Variants in ADGRL3 observed in about 807,000 individuals in gnomAD.
ADGRL3 encodes the protein adhesion G protein-coupled receptor L3.
ADGRL3 carries 62 observed loss-of-function variants against 153.5 expected under a neutral mutation model. The observed-to-expected ratio is 0.40, with a 90% CI of 0.33 to 0.50. The LOEUF (loss-of-function observed/expected upper bound fraction) is 0.50, where lower values mean the gene tolerates loss of function less well. Among genes scored for constraint, ADGRL3 ranks in the 20% least tolerant of loss-of-function variants. The probability of loss-of-function intolerance (pLI) is 0.47; values close to 1 mark genes in which losing one functional copy is unlikely to be tolerated. For synonymous variants in ADGRL3, 710 were observed against 672.5 expected, an observed-to-expected ratio of 1.06 and a Z score of -0.86; for missense variants, 1,641 against 1,859.4, an observed-to-expected ratio of 0.88 and a Z score of 2.16.
chr4:61,506,691 G>A (rs1180689162), intron 3 of ADGRL3, among the ~76,000 whole-genome samples: 1 of 151,898 alleles, frequency 6.6e-6, no homozygotes, highest in African/African-American at 2.4e-5. Flanking sequence ...CCCTCACTTT[G>A]GTATCATTAG....
intron 25 of ADGRL3, among the ~76,000 whole-genome samples, chr4:62,050,949 A>G (rs976144371): frequency 2.6e-5 from 4 of 151,766 alleles, no homozygotes; most frequent in Admixed American, 1.3e-4. Context: ...TATGAATGCA[A>G]ATATAAGTAT....
intron 4 of ADGRL3, among the ~76,000 whole-genome samples, chr4:61,536,452 A>G (rs1445783155): frequency 6.6e-6 from 1 of 152,032 alleles, no homozygotes; most frequent in Non-Finnish European, 1.5e-5. Flanking sequence ...TGCGTTGATA[A>G]TCTATCTACT....
intron 2 of ADGRL3, among the ~76,000 whole-genome samples, chr4:61,392,737 A>C (rs1375162523): frequency 6.7e-6 from 1 of 148,572 alleles, no homozygotes; most frequent in East Asian, 2.0e-4. Context: ...GAGAGAAAAG[A>C]GTCTCATGAG....
intron 8 of ADGRL3, among the ~76,000 whole-genome samples, chr4:61,736,438 G>A (rs2151861538): frequency 6.6e-6 from 1 of 152,242 alleles, no homozygotes; most frequent in East Asian, 1.9e-4. Flanking sequence ...CATATCACTT[G>A]AGGTCAGGAG....
intron 25 of ADGRL3, among the ~76,000 whole-genome samples, chr4:62,062,892 A>G (rs1297393215): frequency 6.6e-6 from 1 of 152,116 alleles, no homozygotes; most frequent in East Asian, 1.9e-4. Flanking sequence ...CCAAATTAGT[A>G]TGCTTACCAT....
At chr4:61,800,645 G>T (rs1168459224) in intron 8 of ADGRL3, among the ~76,000 whole-genome samples, 1 of 152,188 alleles carries the variant, frequency 6.6e-6, no homozygotes, top group East Asian at 1.9e-4. Flanking sequence ...GAAAATAACG[G>T]AAGATACTTG....
intron 5 of ADGRL3, among the ~76,000 whole-genome samples, chr4:61,595,573 C>T (rs2098985616): frequency 6.6e-6 from 1 of 152,168 alleles, no homozygotes; most frequent in African/African-American, 2.4e-5. Flanking sequence ...CTCTTCTCTC[C>T]TTTAGCAGAA....
At chr4:61,914,878 A>G (rs910868525) in intron 13 of ADGRL3, among the ~76,000 whole-genome samples, 3 of 152,072 alleles carry the variant, frequency 2.0e-5, no homozygotes, top group African/African-American at 4.8e-5. Context: ...TCAAATGCCA[A>G]TGTGCCGTAT....
At chr4:61,622,183 CA>C (rs2092563670) in intron 5 of ADGRL3, among the ~76,000 whole-genome samples, 1 of 152,210 alleles carries the variant, frequency 6.6e-6, no homozygotes, top group South Asian at 2.1e-4. Flanking sequence ...ATTGACCTGA[CA>C]ACAGTGAGCC....
intron 1 of ADGRL3, among the ~76,000 whole-genome samples, chr4:61,314,319 C>G (rs1335816408): frequency 6.6e-6 from 1 of 151,666 alleles, no homozygotes; most frequent in Non-Finnish European, 1.5e-5. Context: ...AAGCAATTCT[C>G]CTGCCTCAAC....
chr4:61,677,687 T>G (rs1415003934), intron 6 of ADGRL3, among the ~76,000 whole-genome samples: 1 of 152,164 alleles, frequency 6.6e-6, no homozygotes, highest in Non-Finnish European at 1.5e-5. Flanking sequence ...TCATAATAGA[T>G]ATTCAGCTTA....
At chr4:61,230,586 A>G (rs935869669) in intron 1 of ADGRL3, among the ~76,000 whole-genome samples, 1 of 152,180 alleles carries the variant, frequency 6.6e-6, no homozygotes, top group South Asian at 2.1e-4. Flanking sequence ...AGGTGTCACT[A>G]TGTTGCCCAG....
chr4:61,654,137 T>C (rs1472423838), intron 5 of ADGRL3, among the ~76,000 whole-genome samples: 1 of 152,226 alleles, frequency 6.6e-6, no homozygotes, highest in Non-Finnish European at 1.5e-5. Context: ...ATTTTTTTGC[T>C]AAATTTTTAA....
intron 17 of ADGRL3, among the ~76,000 whole-genome samples, chr4:61,973,186 G>T (rs1297761912): frequency 1.3e-5 from 2 of 151,744 alleles, no homozygotes; most frequent in African/African-American, 4.8e-5. Context: ...TAAAGTCTTA[G>T]TGTACTTTAT....
intron 17 of ADGRL3, among the ~76,000 whole-genome samples, chr4:61,962,305 A>T (rs1026012186): frequency 2.0e-5 from 3 of 152,174 alleles, no homozygotes; most frequent in African/African-American, 7.2e-5. Flanking sequence ...ATTTCAAGCA[A>T]TTATATTTTA....
intron 2 of ADGRL3, among the ~76,000 whole-genome samples, chr4:61,437,391 G>A (rs150001205): frequency 1.5e-3 from 228 of 152,244 alleles, no homozygotes; most frequent in Non-Finnish European, 2.4e-3. Context: ...TGACAGTGAA[G>A]GAGACACTTT....
At chr4:61,665,118 A>G (rs2094740292) in intron 5 of ADGRL3, among the ~76,000 whole-genome samples, 1 of 152,178 alleles carries the variant, frequency 6.6e-6, no homozygotes, top group South Asian at 2.1e-4. Flanking sequence ...TTACTCTTTA[A>G]ATGGCAGAAC....
chr4:61,307,607 CAAATATCAGCT>C (rs1489564532), intron 1 of ADGRL3, among the ~76,000 whole-genome samples: 4 of 151,864 alleles, frequency 2.6e-5, no homozygotes, highest in African/African-American at 9.7e-5. Flanking sequence ...TTGTGAATTG[CAAATATCAGCT>C]AATGAACATG....
intron 9 of ADGRL3, among the ~76,000 whole-genome samples, chr4:61,871,324 G>C (rs998708674): frequency 3.3e-5 from 5 of 151,656 alleles, no homozygotes; most frequent in African/African-American, 1.2e-4. Flanking sequence ...CAGAATGTTA[G>C]TTATAATAGA....
Sources: allele counts gnomAD v4.1 joint callset (sites outside exome capture counted in the v4.1 genomes callset), GRCh38; gene constraint gnomAD v4.1.1; transcripts MANE v1.5; gene names NCBI Gene and HGNC (gene_info 2026-07-23, HGNC 2026-07-21).